DACH2: variants seen among roughly 807,000 people sequenced by gnomAD.
DACH2 encodes the protein dachshund homolog 2.
DACH2 carries 17 observed loss-of-function variants against 35.8 expected under a neutral mutation model. The ratio of observed to expected loss-of-function variants is 0.48; its 90% CI spans 0.33 to 0.71. The LOEUF (loss-of-function observed/expected upper bound fraction) is 0.71. Among genes scored for constraint, DACH2 ranks in the 30% least tolerant of loss-of-function variants. DACH2 has a pLI of 0.02. For synonymous variants in DACH2, 195 were observed against 177.3 expected, an observed-to-expected ratio of 1.10 and a Z score of -0.79; for missense variants, 469 against 472.7, an observed-to-expected ratio of 0.99 and a Z score of 0.07.
At position 86,477,000 on chromosome X, in the gene DACH2, G is replaced by T. The variant is rs190547870; in HGVS notation, c.528-37279G>T. On this transcript the variant is annotated intron_variant, in intron 2 of 11. Coordinates refer to ENST00000373125, the MANE Select transcript of DACH2 (RefSeq NM_053281.3). Reference sequence around the variant, plus strand: ...TGATTTCTAGTTTTATTTCATTGTGGCCAGAGAAGATGCTTGATAGTATTT... The same window carrying T: ...TGATTTCTAGTTTTATTTCATTGTGTCCAGAGAAGATGCTTGATAGTATTT... Among the ~76,000 whole-genome samples the T allele has an allele frequency of 1.6e-3, 172 of 110,479 alleles. 1 individual carries two copies. Among genetic ancestry groups the T allele is most frequent in the African/African-American group, 5.1e-3 (157 of 30,557 alleles).
intron 1 of DACH2, among the ~76,000 whole-genome samples, chrX:86,359,084 C>CTGTGT (rs200413091): frequency 2.0e-5 from 2 of 98,492 alleles, no homozygotes; most frequent in African/African-American, 7.4e-5. Flanking sequence ...TATATTTTGT[C>CTGTGT]GTGTGTGTGT....
At position 86,586,068 on chromosome X, in the gene DACH2, G is replaced by A. The variant is rs2039566661; in HGVS notation, c.641-64968G>A. Among the ~76,000 whole-genome samples, 9 of 111,187 alleles carry A rather than the reference G, an allele frequency of 8.1e-5. No homozygotes were observed. In the South Asian group the frequency reaches 3.4e-3, roughly 42 times the overall value. Reference sequence around the variant, plus strand: ...TTCCCTTTACTCTACAACCTTGCTAGCATTTGTTATTTTTTTCATTTTTAA... The same window carrying A: ...TTCCCTTTACTCTACAACCTTGCTAACATTTGTTATTTTTTTCATTTTTAA... On this transcript the variant is annotated intron_variant, in intron 3 of 11. Transcript: ENST00000373125.
intron 3 of DACH2, among the ~76,000 whole-genome samples, chrX:86,643,081 G>T (rs1280057450): frequency 9.4e-6 from 1 of 106,826 alleles, no homozygotes; most frequent in Non-Finnish European, 1.9e-5. Context: ...CCCAAAACTA[G>T]CAAAAGATGA....
At chrX:86,703,221 CT>C (rs1428479421) in intron 5 of DACH2, among the ~76,000 whole-genome samples, 1 of 110,924 alleles carries the variant, frequency 9.0e-6, no homozygotes, top group African/African-American at 3.3e-5. Context: ...TCAAGCATTC[CT>C]TTATTATAAA....
intron 1 of DACH2, among the ~76,000 whole-genome samples, chrX:86,269,787 G>T (rs991821269): frequency 9.1e-6 from 1 of 109,838 alleles, no homozygotes; most frequent in Non-Finnish European, 1.9e-5. Context: ...CTCTAATGAG[G>T]TTCTTTGAGA....
intron 2 of DACH2, among the ~76,000 whole-genome samples, chrX:86,400,504 G>A (rs2036404422): frequency 9.0e-6 from 1 of 111,206 alleles, no homozygotes; most frequent in Non-Finnish European, 1.9e-5. Flanking sequence ...CCCCATCTTT[G>A]TGGTTTTATC....
chrX:86,789,535 C>G (rs2042168086), intron 7 of DACH2, among the ~76,000 whole-genome samples: 1 of 111,691 alleles, frequency 9.0e-6, no homozygotes, highest in Non-Finnish European at 1.9e-5. Context: ...ATTTATAAAA[C>G]ATATCCCTGT....
chrX:86,367,632 G>A (rs1019089372), intron 1 of DACH2, among the ~76,000 whole-genome samples: 22 of 111,349 alleles, frequency 2.0e-4, no homozygotes, highest in Admixed American at 2.9e-4. Context: ...CTGGGATCTC[G>A]AGAGGGGAAG....
chrX:86,579,455 T>C (rs751290343), intron 3 of DACH2, among the ~76,000 whole-genome samples: 2 of 109,867 alleles, frequency 1.8e-5, no homozygotes, highest in African/African-American at 6.8e-5. Context: ...GTATATAATA[T>C]ATGTCTCTCA....
chrX:86,366,829 C>T (rs1297070218), intron 1 of DACH2, among the ~76,000 whole-genome samples: 2 of 110,567 alleles, frequency 1.8e-5, no homozygotes, highest in Non-Finnish European at 3.8e-5. Context: ...TGTGACATGC[C>T]TATTTCCCCT....
intron 1 of DACH2, among the ~76,000 whole-genome samples, chrX:86,178,953 G>A (rs982073972): frequency 3.6e-5 from 4 of 111,890 alleles, no homozygotes; most frequent in East Asian, 5.6e-4. Context: ...TTAACTGGTT[G>A]ACTGAATGAC....
intron 7 of DACH2, among the ~76,000 whole-genome samples, chrX:86,776,329 CT>C (rs1312226893): frequency 5.4e-5 from 6 of 111,529 alleles, no homozygotes; most frequent in African/African-American, 1.6e-4. Flanking sequence ...TTGAATCTCA[CT>C]TGTAAGTGCA....
intron 2 of DACH2, among the ~76,000 whole-genome samples, chrX:86,456,002 G>A (rs1033711036): frequency 7.1e-5 from 8 of 112,229 alleles, no homozygotes; most frequent in African/African-American, 1.3e-4. Flanking sequence ...TGATCTGCAG[G>A]TTGCAAAGAT....
chrX:86,704,774 A>T (rs755999019), intron 5 of DACH2, among the ~76,000 whole-genome samples: 1 of 111,020 alleles, frequency 9.0e-6, no homozygotes, highest in Admixed American at 9.6e-5. Context: ...TGCAGTGAAA[A>T]GGGAACACTT....
chrX:86,429,544 C>CTTTT (rs1330619299), intron 2 of DACH2, among the ~76,000 whole-genome samples: 3 of 106,442 alleles, frequency 2.8e-5, no homozygotes, highest in African/African-American at 1.0e-4. Context: ...CATTTCTTTT[C>CTTTT]TTTTCTTTTC....
intron 3 of DACH2, among the ~76,000 whole-genome samples, chrX:86,571,836 T>C (rs2039374119): frequency 9.0e-6 from 1 of 110,961 alleles, no homozygotes; most frequent in South Asian, 3.8e-4. Context: ...ATAGATCAAT[T>C]TGGGGAACAC....
At chrX:86,678,558 A>G (rs528172605) in intron 4 of DACH2, among the ~76,000 whole-genome samples, 3 of 112,321 alleles carry the variant, frequency 2.7e-5, no homozygotes, top group African/African-American at 9.7e-5. Context: ...TAAATAATTT[A>G]TTTTCATTCA....
At chrX:86,410,004 G>C (rs905330843) in intron 2 of DACH2, among the ~76,000 whole-genome samples, 1 of 111,890 alleles carries the variant, frequency 8.9e-6, no homozygotes, top group Non-Finnish European at 1.9e-5. Context: ...ATGCTGATGG[G>C]ATGTGTTGGA....
At chrX:86,340,486 C>T (rs892095568) in intron 1 of DACH2, among the ~76,000 whole-genome samples, 1 of 110,956 alleles carries the variant, frequency 9.0e-6, no homozygotes, top group Admixed American at 9.7e-5. Context: ...TCCTCTATCT[C>T]TCCCCCTCTC....
Sources: allele counts gnomAD v4.1 joint callset (sites outside exome capture counted in the v4.1 genomes callset), GRCh38; gene constraint gnomAD v4.1.1; transcripts MANE v1.5; gene names NCBI Gene and HGNC (gene_info 2026-07-23, HGNC 2026-07-21).